The following NIPBL variants were observed in gnomAD, a reference collection of about 807,000 sequenced individuals.
NIPBL encodes the protein nipped-B-like protein.
Under a neutral mutation model 321.8 loss-of-function variants are expected in NIPBL, and 19 were observed. That is an observed-to-expected ratio of 0.06 (90% CI 0.04 to 0.09). The LOEUF is 0.09. Among genes scored for constraint, NIPBL ranks in the 10% least tolerant of loss-of-function variants. The pLI is 1.00. For synonymous variants in NIPBL, 1,106 were observed against 1,114.1 expected (o/e 0.99, Z 0.14); for missense variants, 2,210 against 3,327.0 (o/e 0.66, Z 8.26).
At position 37,058,948 on chromosome 5, in the gene NIPBL, T is replaced by G; in HGVS notation, c.7468T>G (p.Ser2490Ala). 6.2e-7 allele frequency: 1 copy of G among 1,613,680 alleles called. No homozygotes were observed. Residue 2490 changes from serine to alanine, a missense_variant, in exon 44 of 47, where the codon TCA (serine) becomes GCA (alanine). Ser to Ala is a moderately conservative substitution (Grantham distance 99). Around this residue, in one of 14 missense-constraint regions of NIPBL, gnomAD observed 79 missense variants for 90.8 expected, o/e 0.87. Coordinates refer to ENST00000282516, the MANE Select transcript of NIPBL (RefSeq NM_133433.4). ...RKSSPSKENE[S>A]SDSEEEVSRP... ...ATCATCACCTAGTAAGGAAAATGAG[T>G]CAAGCGACAGTGAAGAAGAAGTTTC...
chr5:37,000,600 C>A (rs1025645471), intron 12 of NIPBL, 30 bp downstream of exon 12: 1 of 1,602,792 alleles, frequency 6.2e-7, no homozygotes. Context: ...GGATTTCTTA[C>A]ATAAACCAAT....
Position 36,898,712 on chromosome 5 carries a change from T to C in NIPBL, c.-80+21534T>C, listed in dbSNP as rs538775300. Among the ~76,000 whole-genome samples, 511 of 152,246 alleles carry C rather than the reference T, an allele frequency of 3.4e-3. 2 individuals carry two copies. Among genetic ancestry groups the C allele is most frequent in the African/African-American group, 0.012 (491 of 41,552 alleles). On this transcript the variant is annotated intron_variant, in intron 1 of 46. Transcript: ENST00000282516. ...TTTTAGCAGAGATGGGGTTTCTCCA[T>C]GTTGGTCAGGCTGGTCTCGAACTCC...
At chr5:36,911,030 G>T (rs535097204) in intron 1 of NIPBL, among the ~76,000 whole-genome samples, 3 of 152,140 alleles carry the variant, frequency 2.0e-5, no homozygotes, top group African/African-American at 7.2e-5. Context: ...GAATTAAGAG[G>T]AAAAAAGATC....
At chr5:37,008,519 C>T (rs938278690) in intron 19 of NIPBL, 104 bp from the exon 20 acceptor site, 3 of 711,174 alleles carry the variant, frequency 4.2e-6, no homozygotes, top group Non-Finnish European at 5.1e-6. Flanking sequence ...ATACTGAAAA[C>T]ATTTTCATTC....
intron 1 of NIPBL, among the ~76,000 whole-genome samples, chr5:36,878,090 C>T (rs1174085742): frequency 6.6e-6 from 1 of 152,196 alleles, no homozygotes; most frequent in Non-Finnish European, 1.5e-5. Flanking sequence ...TTTAAGTGTT[C>T]TGAGAATTGT....
chr5:36,921,178 T>C (rs1178586821), intron 1 of NIPBL, among the ~76,000 whole-genome samples: 1 of 151,904 alleles, frequency 6.6e-6, no homozygotes, highest in Non-Finnish European at 1.5e-5. Context: ...AAGTGTATTA[T>C]ATGTTCTTGA....
At chr5:36,997,908 C>A in intron 11 of NIPBL, among the ~76,000 whole-genome samples, 1 of 152,024 alleles carries the variant, frequency 6.6e-6, no homozygotes, top group East Asian at 1.9e-4. Flanking sequence ...TGAAACTTAG[C>A]AGTTTAATCA....
chr5:37,064,061 A>ATG lies in NIPBL; in HGVS notation c.8049+85_8049+86dup, dbSNP rs1197156033. 1.9e-6 allele frequency: 3 copies of ATG among 1,551,512 alleles called. No individual in the cohort carries two copies. The African/African-American group carries it at 4.1e-5, about 21-fold the overall frequency. ...GTGCTTATATATGTCAGTCTATTAA[A>ATG]TGTACACCAAGTAATGTAATACTTA... On this transcript the variant is annotated intron_variant, in intron 46 of 46. Coordinates refer to ENST00000282516, the MANE Select transcript of NIPBL (RefSeq NM_133433.4).
chr5:36,963,464 A>T (rs1320983945), intron 6 of NIPBL, among the ~76,000 whole-genome samples: 1 of 152,100 alleles, frequency 6.6e-6, no homozygotes, highest in East Asian at 1.9e-4. Flanking sequence ...GAGCTTTTTT[A>T]CACACGAACT....
intron 1 of NIPBL, among the ~76,000 whole-genome samples, chr5:36,887,699 A>G (rs747481776): frequency 5.3e-5 from 8 of 152,080 alleles, no homozygotes; most frequent in Non-Finnish European, 1.2e-4. Flanking sequence ...GATCTCATTT[A>G]TTCACATGAC....
intron 24 of NIPBL, among the ~76,000 whole-genome samples, chr5:37,018,932 G>T (rs1385733842): frequency 6.6e-6 from 1 of 151,944 alleles, no homozygotes; most frequent in Non-Finnish European, 1.5e-5. Context: ...GTGAAACCCT[G>T]TCTCTACTAA....
At chr5:36,960,426 A>G (rs1453614893) in intron 4 of NIPBL, among the ~76,000 whole-genome samples, 1 of 152,052 alleles carries the variant, frequency 6.6e-6, no homozygotes, top group Non-Finnish European at 1.5e-5. Context: ...TATTAAAGCT[A>G]TGGAGCAAAA....
intron 1 of NIPBL, among the ~76,000 whole-genome samples, chr5:36,891,245 A>G (rs1746310284): frequency 6.6e-6 from 1 of 152,178 alleles, no homozygotes; most frequent in African/African-American, 2.4e-5. Flanking sequence ...GGCCTGGGCA[A>G]AGAGCGAGAC....
chr5:36,967,159 T>C (rs147777834), intron 6 of NIPBL, among the ~76,000 whole-genome samples: 176 of 152,142 alleles, frequency 1.2e-3, no homozygotes, highest in African/African-American at 4.2e-3. Flanking sequence ...TGGAAAAGAA[T>C]AGCCAAGTCG....
intron 24 of NIPBL, among the ~76,000 whole-genome samples, chr5:37,017,422 TATTTG>T (rs1342309369): frequency 6.6e-6 from 1 of 152,106 alleles, no homozygotes; most frequent in Non-Finnish European, 1.5e-5. Flanking sequence ...TGCTGTTTTA[TATTTG>T]ATTTAACATA....
intron 1 of NIPBL, among the ~76,000 whole-genome samples, chr5:36,879,246 G>C (rs1032309355): frequency 6.6e-6 from 1 of 152,194 alleles, no homozygotes; most frequent in Admixed American, 6.5e-5. Context: ...GTCTTATGCA[G>C]ATGTTTGAAT....
intron 4 of NIPBL, among the ~76,000 whole-genome samples, 183 bp downstream of exon 4, chr5:36,958,414 AG>A (rs1259782488): frequency 6.6e-6 from 1 of 152,226 alleles, no homozygotes; most frequent in Admixed American, 6.5e-5. Context: ...AAATTCCTTG[AG>A]AATTAGACAA....
At chr5:36,894,434 T>C (rs769673546) in intron 1 of NIPBL, among the ~76,000 whole-genome samples, 1 of 152,174 alleles carries the variant, frequency 6.6e-6, no homozygotes, top group African/African-American at 2.4e-5. Flanking sequence ...TATACTGTCA[T>C]GTATGTACTT....
chr5:37,013,324 G>A (rs1252194638), intron 21 of NIPBL, among the ~76,000 whole-genome samples: 7 of 151,110 alleles, frequency 4.6e-5, no homozygotes, highest in Non-Finnish European at 7.4e-5. Context: ...CTCCCGGACG[G>A]GGCGGCTGGC....
Sources: allele counts gnomAD v4.1 joint callset (sites outside exome capture counted in the v4.1 genomes callset), GRCh38; gene constraint gnomAD v4.1.1; regional missense constraint gnomAD v4.1.1; transcripts MANE v1.5; gene names NCBI Gene and HGNC (gene_info 2026-07-23, HGNC 2026-07-21).